The following EIF3D variants were observed in gnomAD, a reference collection of about 807,000 sequenced individuals.
The protein encoded by EIF3D is eIF3 p66.
EIF3D carries 10 observed loss-of-function variants against 75.4 expected under a neutral mutation model. That is an observed-to-expected ratio of 0.13 (90% confidence interval 0.08 to 0.22). The LOEUF (loss-of-function observed/expected upper bound fraction) is 0.22, where lower values mean the gene tolerates loss of function less well. Among genes scored for constraint, EIF3D ranks in the 10% least tolerant of loss-of-function variants. EIF3D has a pLI of 1.00. For missense variants in EIF3D, 394 were observed against 708.0 expected (o/e 0.56, Z 5.03); for synonymous variants, 246 against 248.3 (o/e 0.99, Z 0.09).
chr22:36,525,910 T>TA lies in EIF3D; in HGVS notation c.123+88dup, dbSNP rs1005206257. ...GCATCCCTATAAGAAATTCAGGAGT[T>TA]AAGATTTTGAGACAATAAAATCTAA... On this transcript the variant is annotated intron_variant, in intron 2 of 14. Transcript: ENST00000216190. The TA allele has an allele frequency of 1.8e-5, 27 of 1,527,784 alleles. No homozygotes were observed. The Admixed American group carries it at 2.2e-4, about 13-fold the overall frequency. The allele number at this position is 1,527,784 out of a possible 1,614,324, so 94.6% of individuals were successfully genotyped here. A position where few individuals can be genotyped will look rare whatever the true frequency, so the allele number is the denominator to read the frequency against.
chr22:36,523,303 C>G, intron 5 of EIF3D, 22 bp from the exon 6 acceptor site: 1 of 1,602,848 alleles, frequency 6.2e-7, no homozygotes, highest in South Asian at 1.1e-5. Flanking sequence ...GACATATGAT[C>G]TCAGTGCAGA....
intron 9 of EIF3D, 50 bp downstream of exon 9, chr22:36,518,713 C>A: frequency 6.2e-7 from 1 of 1,606,156 alleles, no homozygotes; most frequent in South Asian, 1.1e-5. Context: ...TGTTCTGTAC[C>A]AACAAAAATA....
intron 1 of EIF3D, among the ~76,000 whole-genome samples, chr22:36,527,700 G>A (rs928249647): frequency 2.6e-5 from 4 of 152,194 alleles, no homozygotes; most frequent in African/African-American, 7.2e-5. Flanking sequence ...TTAGCTGGGC[G>A]TGGTGGCGGG....
intron 1 of EIF3D, chr22:36,527,025 C>A (rs1934615737): frequency 6.6e-6 from 1 of 152,166 alleles, no homozygotes; most frequent in Non-Finnish European, 1.5e-5. Flanking sequence ...TTAAGTATAT[C>A]CTGAAATTCA....
At chr22:36,523,031 G>C (rs1934539641) in intron 6 of EIF3D, 178 bp downstream of exon 6, 1 of 583,378 alleles carries the variant, frequency 1.7e-6, no homozygotes, top group African/African-American at 1.9e-5. Flanking sequence ...AAAGGGTAAG[G>C]GATTCTTTTG....
At chr22:36,518,124 A>G (rs1603498862) in intron 9 of EIF3D, among the ~76,000 whole-genome samples, 2 of 152,130 alleles carry the variant, frequency 1.3e-5, no homozygotes, top group Admixed American at 6.6e-5. Context: ...TAAAAAATAT[A>G]TATGTATATA....
rs1168575406 is a variant in EIF3D, at chr22:36,520,624, G to A, written c.530C>T (p.Pro177Leu). 2 of 1,613,414 alleles carry A rather than the reference G, an allele frequency of 1.2e-6. No individual in the cohort carries two copies. The highest frequency in any genetic ancestry group is 2.2e-5 in the East Asian group (1 of 44,894). The change falls in exon 7 of 15, where the codon CCT becomes CTT. Residue 177 changes from proline to leucine, a missense_variant. Coordinates refer to ENST00000216190, the MANE Select transcript of EIF3D (RefSeq NM_003753.4). ...CAAGTAGCGCATCTTCATCAACTGA[G>A]GAAAATCCATTTCCTCTTTCACTTC... The part of the protein sequence containing the change: ...DWEVKEEMDF[P>L]QLMKMRYLEV...
At chr22:36,511,926 T>A in intron 13 of EIF3D, 140 bp from the exon 14 acceptor site, 1 of 1,393,570 alleles carries the variant, frequency 7.2e-7, no homozygotes, top group South Asian at 1.5e-5. Flanking sequence ...AGTCTGGCTC[T>A]GTTGCCCAGG....
intron 12 of EIF3D, chr22:36,516,238 G>A (rs573324356): frequency 3.3e-5 from 14 of 427,370 alleles, no homozygotes; most frequent in Middle Eastern, 6.4e-4. Flanking sequence ...TGGTTCCTGC[G>A]TAAAAAATAA....
At chr22:36,519,602 C>A (rs1384332948) in intron 7 of EIF3D, 65 bp from the exon 8 acceptor site, 2 of 1,600,548 alleles carry the variant, frequency 1.2e-6, no homozygotes, top group African/African-American at 1.3e-5. Flanking sequence ...TTCTTTTAAG[C>A]CATACATCCA....
chr22:36,512,395 C>T (rs1240860392), intron 13 of EIF3D, 65 bp downstream of exon 13: 16 of 1,585,582 alleles, frequency 1.0e-5, no homozygotes, highest in Non-Finnish European at 2.6e-6. Context: ...AGGGGAGGGT[C>T]AACCTCCCTA....
At chr22:36,524,071 G>A in intron 4 of EIF3D, 91 bp from the exon 5 acceptor site, 1 of 1,292,388 alleles carries the variant, frequency 7.7e-7, no homozygotes, top group Non-Finnish European at 1.1e-6. Flanking sequence ...AGTAAATTTA[G>A]GATGCCAAAT....
chr22:36,528,973 G>A (rs940363755), intron 1 of EIF3D, 103 bp downstream of exon 1: 6 of 277,786 alleles, frequency 2.2e-5, no homozygotes, highest in Non-Finnish European at 3.3e-5. Context: ...GGCAACAGCA[G>A]GAAGGGACTA....
At position 36,524,739 on chromosome 22, in the gene EIF3D, G is replaced by A; in HGVS notation, c.170-7C>T. The A allele has an allele frequency of 6.2e-7, 1 of 1,614,214 alleles. No homozygotes were observed. On this transcript the variant is annotated splice_region_variant and splice_polypyrimidine_tract_variant and intron_variant, in intron 3 of 14. Coordinates refer to ENST00000216190, the MANE Select transcript of EIF3D (RefSeq NM_003753.4). The stretch of plus-strand genomic sequence containing the variant: ...AACTGAGAGGAGTACTTATCTGGAG[G>A]CAAAGGTGATGGCATGTAGTAACTG...
At position 36,511,516 on chromosome 22, in the gene EIF3D, T is replaced by C. The variant is rs749356139; in HGVS notation, c.1620A>G (p.Glu540=). ...GCTGCTACACACCTTCTTCTTCCTC[T>C]TCTTCCTCCTCCTCTTCCTCCTCAT... ...DEDEEEEEEE[E]EEEEEEET is the part of the protein sequence containing the mutation. Residue 540 remains glutamate, a synonymous_variant, in exon 14 of 15, where the codon GAA becomes GAG. Transcript: ENST00000216190. 1 of 1,613,950 alleles carries C rather than the reference T, an allele frequency of 6.2e-7. No homozygotes were observed.
chr22:36,519,867 C>G (rs943538622), intron 7 of EIF3D, among the ~76,000 whole-genome samples: 1 of 152,186 alleles, frequency 6.6e-6, no homozygotes, highest in Non-Finnish European at 1.5e-5. Context: ...ACCTAAATTC[C>G]ACCTACTTGT....
intron 1 of EIF3D, among the ~76,000 whole-genome samples, chr22:36,527,110 AGGC>A (rs1012229645): frequency 7.2e-5 from 11 of 152,364 alleles, no homozygotes; most frequent in African/African-American, 2.6e-4. Context: ...ACATAAAGCC[AGGC>A]AGAAGAACTG....
At chr22:36,521,937 T>TA (rs1246726054) in intron 6 of EIF3D, among the ~76,000 whole-genome samples, 2 of 151,328 alleles carry the variant, frequency 1.3e-5, no homozygotes, top group Admixed American at 1.3e-4. Context: ...GATTCCATCT[T>TA]AAAAAAACAA....
Position 36,524,644 on chromosome 22 carries a change from C to T in EIF3D, c.258G>A (p.Ala86=), listed in dbSNP as rs200724214. The part of the protein sequence containing the change: ...DESSFQLVDT[A]RTQKTAYQRN... ...GCTGGTAGGCCGTCTTCTGTGTGCG[C>T]GCTGTATCCACCAGCTGGAAGCTAC... Residue 86 remains alanine, a synonymous_variant, in exon 4 of 15, where the codon GCG becomes GCA. Transcript: ENST00000216190. 359 of 1,614,156 alleles carry T rather than the reference C, an allele frequency of 2.2e-4. 1 individual carries two copies. In the South Asian group the frequency reaches 2.5e-3, roughly 11 times the overall value.
Sources: gnomAD v4.1 joint callset for allele counts (sites outside exome capture counted in the v4.1 genomes callset) on GRCh38, gnomAD v4.1.1 for gene constraint, MANE v1.5 for transcripts, NCBI Gene and HGNC (gene_info 2026-07-23, HGNC 2026-07-21) for gene names.